Variants in CCPG1 observed in about 807,000 individuals in gnomAD.
CCPG1 encodes cell cycle progression protein 1.
Under a neutral mutation model 81.3 loss-of-function variants are expected in CCPG1, and 46 were observed. That is an observed-to-expected ratio of 0.57 (90% CI 0.45 to 0.72). CCPG1 has a LOEUF of 0.72. Ranked by LOEUF, CCPG1 falls within the 30% of genes least tolerant of loss-of-function variation. The probability of loss-of-function intolerance (pLI) is 0.00; values close to 1 mark genes in which losing one functional copy is unlikely to be tolerated. For synonymous variants in CCPG1, 330 were observed against 305.2 expected (o/e 1.08, Z -0.85); for missense variants, 902 against 937.6 (o/e 0.96, Z 0.50).
chr15:55,363,055 C>CA (rs1379515280), intron 7 of CCPG1, among the ~76,000 whole-genome samples: 10 of 147,868 alleles, frequency 6.8e-5, no homozygotes, highest in Admixed American at 4.7e-4. Context: ...AAAACAAAAA[C>CA]AAAAAAAACA....
chr15:55,397,319 G>A (rs2057040355), intron 1 of CCPG1, among the ~76,000 whole-genome samples: 1 of 152,052 alleles, frequency 6.6e-6, no homozygotes, highest in African/African-American at 2.4e-5. Context: ...TTTAAAAAGC[G>A]TTTTAGCTTT....
chr15:55,405,350 G>A (rs1013556922), intron 1 of CCPG1, among the ~76,000 whole-genome samples: 49 of 151,750 alleles, frequency 3.2e-4, no homozygotes, highest in African/African-American at 9.9e-4. Flanking sequence ...CAACAAGAGC[G>A]AAACTCCGTC....
intron 8 of CCPG1, 66 bp downstream of exon 8, chr15:55,359,473 T>TA: frequency 6.6e-7 from 1 of 1,512,182 alleles, no homozygotes; most frequent in Non-Finnish European, 8.8e-7. Flanking sequence ...CATCAAATCA[T>TA]AAAAATGCTA....
chr15:55,391,170 T>C (rs1290083709), intron 1 of CCPG1, among the ~76,000 whole-genome samples: 1 of 152,242 alleles, frequency 6.6e-6, no homozygotes, highest in Non-Finnish European at 1.5e-5. Flanking sequence ...TCATACAGGC[T>C]TGAGTGCAAT....
chr15:55,405,056 C>T (rs564669764), intron 1 of CCPG1, among the ~76,000 whole-genome samples: 38 of 152,130 alleles, frequency 2.5e-4, no homozygotes, highest in African/African-American at 9.2e-4. Context: ...AAAACCCAGT[C>T]TCTACTAAAA....
intron 8 of CCPG1, chr15:55,359,062 TAAGCTG>T (rs2056138282): frequency 1.0e-6 from 1 of 984,954 alleles, no homozygotes; most frequent in Non-Finnish European, 1.2e-6. Flanking sequence ...GTATCATAAC[TAAGCTG>T]GTACATGGAA....
rs910974781 is a variant in CCPG1, at chr15:55,377,132, G to T, written c.271C>A (p.Pro91Thr). 1.7e-5 allele frequency: 27 copies of T among 1,612,206 alleles called. No individual in the cohort carries two copies. The highest frequency in any genetic ancestry group is 2.3e-5 in the Non-Finnish European group (27 of 1,178,694). ...STIEAEEQKI[P>T]EDSIYIGTAS... ...GTTCCAATATAGATACTGTCTTCGG[G>T]TATCTTTTGTTCCTCTGCCTGAAGA... The change falls in exon 5 of 9, where the codon CCC becomes ACC. Residue 91 changes from proline to threonine, a missense_variant. Coordinates refer to ENST00000442196, the MANE Select transcript of CCPG1 (RefSeq NM_001204450.2).
Position 55,355,551 on chromosome 15 carries a change from A to G in CCPG1, c.*669T>C. Reference sequence around the variant, plus strand: ...AAAAAGCTGTATGAACTGCTTTACCAAATATCACTACTGAGGAAATGTATA... The same window carrying G: ...AAAAAGCTGTATGAACTGCTTTACCGAATATCACTACTGAGGAAATGTATA... On this transcript the variant is annotated 3_prime_UTR_variant, in exon 9 of 9. Coordinates refer to ENST00000442196, the MANE Select transcript of CCPG1 (RefSeq NM_001204450.2). 2.8e-6 allele frequency: 2 copies of G among 719,744 alleles called. No homozygotes were observed. Among genetic ancestry groups the G allele is most frequent in the Non-Finnish European group, 4.6e-6 (2 of 434,620 alleles). 44.6% of individuals were successfully genotyped at this position (719,744 alleles called of 1,614,324 possible). A position where few individuals can be genotyped will look rare whatever the true frequency, so the allele number is the denominator to read the frequency against.
chr15:55,384,613 C>A (rs1420331462), intron 3 of CCPG1, among the ~76,000 whole-genome samples: 1 of 152,112 alleles, frequency 6.6e-6, no homozygotes, highest in Non-Finnish European at 1.5e-5. Flanking sequence ...CAAGATCATA[C>A]CATTGCACTC....
intron 1 of CCPG1, among the ~76,000 whole-genome samples, chr15:55,400,767 G>A (rs1250154240): frequency 1.3e-5 from 2 of 152,152 alleles, no homozygotes; most frequent in Non-Finnish European, 1.5e-5. Flanking sequence ...AGACTTCAGT[G>A]GGGCTGTGCA....
rs2141242590 is a variant in CCPG1, at chr15:55,360,389, G to C, written c.1384C>G (p.Gln462Glu). ...CCTTTCTTTTTTCCATCTGTTCCTTGTTTTCCATTTTGATCTTTTGCCTCA... is the reference window on the plus strand; with the variant it reads ...CCTTTCTTTTTTCCATCTGTTCCTTCTTTTCCATTTTGATCTTTTGCCTCA... ...YVEAKDQNGK[Q>E]GTDGKKKGGR... is the part of the protein sequence containing the mutation. The change falls in exon 8 of 9, where the codon CAA becomes GAA. Residue 462 changes from glutamine to glutamate, a missense_variant. Gln to Glu is a conservative substitution (Grantham distance 29). This residue lies in a region of CCPG1 where 746 missense variants were observed against 728.6 expected (regional missense o/e 1.02). Coordinates refer to ENST00000442196, the MANE Select transcript of CCPG1 (RefSeq NM_001204450.2). 1 of 1,613,398 alleles carries C rather than the reference G, an allele frequency of 6.2e-7. No individual in the cohort carries two copies. The highest frequency in any genetic ancestry group is 2.2e-5 in the East Asian group (1 of 44,872).
At position 55,371,387 on chromosome 15, in the gene CCPG1, T is replaced by C. The variant is rs77384533; in HGVS notation, c.706+406A>G. Among the ~76,000 whole-genome samples the C allele has an allele frequency of 3.5e-3, 540 of 152,324 alleles. 1 individual carries two copies. The highest frequency in any genetic ancestry group is 5.7e-3 in the Non-Finnish European group (390 of 68,028). On this transcript the variant is annotated intron_variant, in intron 6 of 8. Coordinates refer to ENST00000442196, the MANE Select transcript of CCPG1 (RefSeq NM_001204450.2). ...TCAAAGTAGAAATAATGAACACTTA[T>C]TATTTACACATTTCAAATGTAACTA... is the stretch of plus-strand genomic sequence containing the variant.
chr15:55,371,869 C>G lies in CCPG1; in HGVS notation c.630G>C (p.Gln210His). The change falls in exon 6 of 9, where the codon CAG becomes CAC. Residue 210 changes from glutamine to histidine, a missense_variant. By Grantham distance (24) the Gln-to-His change is conservative. Transcript: ENST00000442196. ...TEPSKELSKR[Q>H]FSSGLNKCVI... Reference sequence around the variant, plus strand: ...CACACTTATTGAGACCACTACTGAACTGACGTTTACTCAACTCCTTAGAAG... The same window carrying G: ...CACACTTATTGAGACCACTACTGAAGTGACGTTTACTCAACTCCTTAGAAG... The G allele has an allele frequency of 1.2e-6, 2 of 1,614,112 alleles. No individual in the cohort carries two copies. Among genetic ancestry groups the G allele is most frequent in the Middle Eastern group, 1.6e-4 (1 of 6,062 alleles).
intron 1 of CCPG1, among the ~76,000 whole-genome samples, chr15:55,395,285 ACAAT>A (rs2056994280): frequency 6.8e-6 from 1 of 146,950 alleles, no homozygotes; most frequent in East Asian, 1.9e-4. Context: ...GGCGTGTACT[ACAAT>A]CAAAGGAAAA....
chr15:55,400,771 C>G lies in CCPG1; in HGVS notation c.-10+7450G>C, dbSNP rs1430718923. Among the ~76,000 whole-genome samples, 3 of 152,166 alleles carry G rather than the reference C, an allele frequency of 2.0e-5. No homozygotes were observed. The South Asian group carries it at 6.2e-4, about 32-fold the overall frequency. On this transcript the variant is annotated intron_variant, in intron 1 of 8. Transcript: ENST00000442196. ...CACTTCCAGGAAGACTTCAGTGGGGCTGTGCATCTTGTGTTTACTGGCTAT... is the reference window on the plus strand; with the variant it reads ...CACTTCCAGGAAGACTTCAGTGGGGGTGTGCATCTTGTGTTTACTGGCTAT...
intron 1 of CCPG1, among the ~76,000 whole-genome samples, chr15:55,405,143 C>A (rs765294224): frequency 1.3e-5 from 2 of 151,666 alleles, no homozygotes; most frequent in Admixed American, 1.3e-4. Context: ...GGCGGACCAC[C>A]TGAGGTCGGG....
At chr15:55,362,780 T>C (rs1348602930) in intron 7 of CCPG1, among the ~76,000 whole-genome samples, 1 of 152,164 alleles carries the variant, frequency 6.6e-6, no homozygotes, top group Non-Finnish European at 1.5e-5. Flanking sequence ...AGTGGCTCAA[T>C]CCTTTAATCC....
At chr15:55,385,567 T>TA (rs527587404) in intron 3 of CCPG1, 33 bp downstream of exon 3, 6,270 of 1,074,498 alleles carry the variant, frequency 5.8e-3, no homozygotes, top group Non-Finnish European at 6.7e-3. Context: ...TATATCATAT[T>TA]AAAAAAAAAA....
chr15:55,399,417 C>CAAAA (rs56191750), intron 1 of CCPG1, among the ~76,000 whole-genome samples: 6,360 of 63,000 alleles, frequency 0.1, 320 homozygotes, highest in African/African-American at 0.16. Context: ...ACTAAAAATA[C>CAAAA]AAAAAAAAAA....
Sources: gnomAD v4.1 joint callset for allele counts (sites outside exome capture counted in the v4.1 genomes callset) on GRCh38, gnomAD v4.1.1 for gene constraint, gnomAD v4.1.1 regional missense constraint, MANE v1.5 for transcripts, NCBI Gene and HGNC (gene_info 2026-07-23, HGNC 2026-07-21) for gene names.